The following ZDHHC5 variants were observed in gnomAD, a reference collection of about 807,000 sequenced individuals.
ZDHHC5 encodes zDHHC palmitoyltransferase 5, also known as palmitoyltransferase ZDHHC5.
Under a neutral mutation model 70.0 loss-of-function variants are expected in ZDHHC5, and 22 were observed. The observed-to-expected ratio is 0.31, with a 90% confidence interval of 0.22 to 0.45. The LOEUF is 0.45. ZDHHC5 is among the 20% of genes least tolerant of loss of function. ZDHHC5 has a pLI of 1.00. For missense variants in ZDHHC5, 746 were observed against 926.9 expected (o/e 0.80, Z 2.53); for synonymous variants, 313 against 347.8 (o/e 0.90, Z 1.11).
intron 3 of ZDHHC5, among the ~76,000 whole-genome samples, chr11:57,685,754 G>A (rs1438423577): frequency 6.6e-6 from 1 of 152,124 alleles, no homozygotes; most frequent in Non-Finnish European, 1.5e-5. Context: ...TGGGCCGGGT[G>A]CCGTGACTCA....
At chr11:57,669,851 G>A (rs115192393) in intron 1 of ZDHHC5, among the ~76,000 whole-genome samples, 100 of 152,288 alleles carry the variant, frequency 6.6e-4, no homozygotes, top group Middle Eastern at 3.4e-3. Context: ...TTTCATCCTA[G>A]TATCTGCAGC....
Position 57,699,434 on chromosome 11 carries a change from A to T in ZDHHC5, c.1982+16A>T, listed in dbSNP as rs932974654. 2 of 1,530,910 alleles carry T rather than the reference A, an allele frequency of 1.3e-6. No homozygotes were observed. Among genetic ancestry groups the T allele is most frequent in the African/African-American group, 2.8e-5 (2 of 72,054 alleles). 94.8% of individuals were successfully genotyped at this position (1,530,910 alleles called of 1,614,324 possible). A position where few individuals can be genotyped will look rare whatever the true frequency, so the allele number is the denominator to read the frequency against. ...TGACACCCAAGTAAGTATTAGTACT[A>T]TCCTGACCCTTAGCCAATTTCAAAT... On this transcript the variant is annotated intron_variant, in intron 11 of 11. Coordinates refer to ENST00000287169, the MANE Select transcript of ZDHHC5 (RefSeq NM_015457.3).
In ZDHHC5 at chr11:57,699,123, G is replaced by A. The variant is rs1431149047; in HGVS notation, c.1687G>A (p.Glu563Lys). ...ACCCCCACTCCCGGGCCGTGAGGAA[G>A]AACCAGGCTTGGGGGACTCAGGCAT... is the stretch of plus-strand genomic sequence containing the variant. Reference protein sequence around the residue: ...QSPPLPGREEEPGLGDSGIQS... With the variant: ...QSPPLPGREEKPGLGDSGIQS... Residue 563 changes from glutamate (E) to lysine (K), a missense_variant, in exon 11 of 12, where the codon GAA (glutamate) becomes AAA (lysine). Physicochemically the swap from Glu to Lys is moderately conservative, Grantham distance 56. Coordinates refer to ENST00000287169, the MANE Select transcript of ZDHHC5 (RefSeq NM_015457.3). 2.5e-6 allele frequency: 4 copies of A among 1,614,200 alleles called. No homozygotes were observed. The East Asian group carries it at 8.9e-5, about 36-fold the overall frequency.
Position 57,688,721 on chromosome 11 carries a change from A to G in ZDHHC5, c.384+56A>G, listed in dbSNP as rs552050676. ...GCTTAACCTTCATTGTCTTCATCCT[A>G]ACCATATAATAGATTCTTAGCTTTG... is the stretch of plus-strand genomic sequence containing the variant. On this transcript the variant is annotated intron_variant, in intron 4 of 11. Transcript: ENST00000287169. 8.6e-6 allele frequency: 13 copies of G among 1,509,990 alleles called. No individual in the cohort carries two copies. In the South Asian group the frequency reaches 1.7e-4, roughly 20 times the overall value. 93.5% of individuals were successfully genotyped at this position (1,509,990 alleles called of 1,614,324 possible).
At chr11:57,684,254 C>T (rs1946183584) in intron 3 of ZDHHC5, among the ~76,000 whole-genome samples, 3 of 152,126 alleles carry the variant, frequency 2.0e-5, no homozygotes, top group Admixed American at 1.3e-4. Flanking sequence ...GGATTATAGG[C>T]GTGAGCCACC....
In ZDHHC5 at chr11:57,693,844, G is replaced by A; in HGVS notation, c.814G>A (p.Glu272Lys). The A allele has an allele frequency of 6.2e-7, 1 of 1,610,950 alleles. No individual in the cohort carries two copies. Among genetic ancestry groups the A allele is most frequent in the Non-Finnish European group, 8.5e-7 (1 of 1,178,518 alleles). Residue 272 changes from glutamate to lysine, a missense_variant, in exon 8 of 12, where the codon GAA (glutamate) becomes AAA (lysine). By Grantham distance (56) the Glu-to-Lys change is moderately conservative. Transcript: ENST00000287169. ...AATCAGACCTCCCTTCCTTCGACCA[G>A]AAGTTTCAGATGGGCAGATAACTGT... ...IVIRPPFLRP[E>K]VSDGQITVKI...
In ZDHHC5 at chr11:57,690,415, G is replaced by A. The variant is rs1443715338; in HGVS notation, c.638G>A (p.Arg213Lys). The A allele has an allele frequency of 6.2e-7, 1 of 1,614,058 alleles. No homozygotes were observed. The highest frequency in any genetic ancestry group is 1.3e-5 in the African/African-American group (1 of 74,912). Residue 213 changes from arginine to lysine, a missense_variant, in exon 6 of 12, where the codon AGG becomes AAG. By Grantham distance (26) the Arg-to-Lys change is conservative. Around this residue, in one of 6 missense-constraint regions of ZDHHC5, gnomAD observed 114 missense variants for 179.3 expected, o/e 0.64. Transcript: ENST00000287169. The stretch of plus-strand genomic sequence containing the variant: ...GGATTTCACGTGGTTCTGGTGGCCA[G>A]GGGACGCACAACCAATGAACAGGTA... ...LTGFHVVLVA[R>K]GRTTNEQVTG...
At position 57,700,212 on chromosome 11, in the gene ZDHHC5, C is replaced by T; in HGVS notation, c.*181C>T. On this transcript the variant is annotated 3_prime_UTR_variant, in exon 12 of 12. Transcript: ENST00000287169. The stretch of plus-strand genomic sequence containing the variant: ...GCTTGGGGAGTCGGAGAGTTGGGGC[C>T]CTGAGACTGGGGTAGCAACCCCCCC... 2.8e-6 allele frequency: 2 copies of T among 709,334 alleles called. No homozygotes were observed. Among genetic ancestry groups the T allele is most frequent in the Non-Finnish European group, 2.1e-6 (1 of 475,114 alleles). The allele number at this position is 709,334 out of a possible 1,614,324, so 43.9% of individuals were successfully genotyped here. A position where few individuals can be genotyped will look rare whatever the true frequency, so the allele number is the denominator to read the frequency against.
rs563072034 is a variant in ZDHHC5 at position 57,700,102 on chromosome 11, C to A, written c.*71C>A. On this transcript the variant is annotated 3_prime_UTR_variant, in exon 12 of 12. Transcript: ENST00000287169. ...GGGCCCCAGGTGGCCACCTTCCTTC[C>A]CTCAAGGGGCTCCCCTCCCGTGCAT... 21 of 1,493,438 alleles carry A rather than the reference C, an allele frequency of 1.4e-5. No homozygotes were observed. Among genetic ancestry groups the A allele is most frequent in the Non-Finnish European group, 1.9e-5 (21 of 1,120,696 alleles). The allele number at this position is 1,493,438 out of a possible 1,614,324, so 92.5% of individuals were successfully genotyped here.
In ZDHHC5 at chr11:57,696,836, G is replaced by C; in HGVS notation, c.1085G>C (p.Ser362Thr). Residue 362 changes from serine (S) to threonine (T), a missense_variant, in exon 10 of 12, where the codon AGT (serine) becomes ACT (threonine). Transcript: ENST00000287169. Reference protein sequence around the residue: ...YKYRPGYSSSSTSAAMPHSSS... With the variant: ...YKYRPGYSSSTTSAAMPHSSS... ...TATCGGCCGGGTTACAGTAGCAGCA[G>C]TACGTCAGCTGCCATGCCGCATTCC... 6.2e-7 allele frequency: 1 copy of C among 1,614,000 alleles called. No individual in the cohort carries two copies. Among genetic ancestry groups the C allele is most frequent in the Non-Finnish European group, 8.5e-7 (1 of 1,179,908 alleles).
Position 57,695,882 on chromosome 11 carries a change from A to G in ZDHHC5, c.886-38A>G, listed in dbSNP as rs759556135. On this transcript the variant is annotated intron_variant, in intron 8 of 11. Coordinates refer to ENST00000287169, the MANE Select transcript of ZDHHC5 (RefSeq NM_015457.3). ...ATACTTTGAGTTGCCATAATGCTCAATTTCTAAATCTGATTTTCCCTCCCT... is the reference window on the plus strand; with the variant it reads ...ATACTTTGAGTTGCCATAATGCTCAGTTTCTAAATCTGATTTTCCCTCCCT... 1.8e-5 allele frequency: 29 copies of G among 1,602,256 alleles called. 1 individual carries two copies. Among genetic ancestry groups the G allele is most frequent in the South Asian group, 6.7e-5 (6 of 89,188 alleles).
In ZDHHC5 at chr11:57,699,279, A is replaced by G. The variant is rs1388504017; in HGVS notation, c.1843A>G (p.Arg615Gly). 3.7e-6 allele frequency: 6 copies of G among 1,614,230 alleles called. No individual in the cohort carries two copies. The highest frequency in any genetic ancestry group is 5.1e-6 in the Non-Finnish European group (6 of 1,180,032). Residue 615 changes from arginine to glycine, a missense_variant, in exon 11 of 12, where the codon AGG (arginine) becomes GGG (glycine). By Grantham distance (125) the Arg-to-Gly change is moderately radical (BLOSUM62 -2). Coordinates refer to ENST00000287169, the MANE Select transcript of ZDHHC5 (RefSeq NM_015457.3). ...VPRFGKPDGLRGRGVGSPEPG... is the reference protein window; with the variant it reads ...VPRFGKPDGLGGRGVGSPEPG... ...CCGTTTTGGCAAGCCAGATGGGCTA[A>G]GGGGCCGGGGAGTAGGGTCCCCTGA...
At chr11:57,699,611 TC>T (rs1008707009) in intron 11 of ZDHHC5, among the ~76,000 whole-genome samples, 193 bp downstream of exon 11, 3 of 152,240 alleles carry the variant, frequency 2.0e-5, no homozygotes, top group Admixed American at 2.0e-4. Flanking sequence ...TAATACTTTT[TC>T]CATAATGCTA....
intron 2 of ZDHHC5, among the ~76,000 whole-genome samples, chr11:57,678,967 G>A (rs538525075): frequency 3.9e-5 from 6 of 152,188 alleles, no homozygotes; most frequent in Admixed American, 3.9e-4. Flanking sequence ...GATTACCTAA[G>A]GCCTTGCATA....
chr11:57,675,876 A>C (rs1160955108), intron 2 of ZDHHC5, among the ~76,000 whole-genome samples: 1 of 152,212 alleles, frequency 6.6e-6, no homozygotes, highest in Non-Finnish European at 1.5e-5. Flanking sequence ...TTAAAACCAT[A>C]CAACCTAAAA....
intron 2 of ZDHHC5, among the ~76,000 whole-genome samples, chr11:57,674,316 G>GTTTTTTTTTTTTTTTTT (rs34645509): frequency 2.8e-5 from 4 of 140,932 alleles, no homozygotes; most frequent in Non-Finnish European, 3.1e-5. Flanking sequence ...TTTTTCCTCA[G>GTTTTTTTTTTTTTTTTT]TTTTTTTTTT....
intron 6 of ZDHHC5, among the ~76,000 whole-genome samples, chr11:57,691,045 G>C (rs1412167124): frequency 1.3e-5 from 2 of 151,914 alleles, no homozygotes; most frequent in African/African-American, 4.8e-5. Flanking sequence ...AGAGATAAAG[G>C]CTGAATTTTG....
Position 57,698,468 on chromosome 11 carries a change from A to G in ZDHHC5, c.1123-91A>G, listed in dbSNP as rs1946385683. 5 of 1,492,170 alleles carry G rather than the reference A, an allele frequency of 3.4e-6. No homozygotes were observed. In the Admixed American group the frequency reaches 1.1e-4, roughly 34 times the overall value. The allele number at this position is 1,492,170 out of a possible 1,614,324, so 92.4% of individuals were successfully genotyped here. On this transcript the variant is annotated intron_variant, in intron 10 of 11. Coordinates refer to ENST00000287169, the MANE Select transcript of ZDHHC5 (RefSeq NM_015457.3). ...AGAGTTCTAAGCTTATTATTGGCAC[A>G]TAATTCTCTTTTTGACCAACTCCTT...
chr11:57,689,481 G>A (rs1255024485), intron 4 of ZDHHC5, among the ~76,000 whole-genome samples: 1 of 151,936 alleles, frequency 6.6e-6, no homozygotes, highest in Non-Finnish European at 1.5e-5. Context: ...GGGTTCAACC[G>A]ATTCTCCTGC....
Sources: gnomAD v4.1 joint callset for allele counts (sites outside exome capture counted in the v4.1 genomes callset) on GRCh38, gnomAD v4.1.1 for gene constraint, gnomAD v4.1.1 regional missense constraint, MANE v1.5 for transcripts, NCBI Gene and HGNC (gene_info 2026-07-23, HGNC 2026-07-21) for gene names.